RERE: variants seen among roughly 807,000 people sequenced by gnomAD.
RERE encodes arginine-glutamic acid dipeptide repeats, also known as arginine-glutamic acid dipeptide repeats protein.
Under a neutral mutation model 146.1 loss-of-function variants are expected in RERE, and 40 were observed. The observed-to-expected ratio is 0.27, with a 90% CI of 0.21 to 0.36. The LOEUF is 0.36. RERE is among the 10% of genes least tolerant of loss of function. The pLI, the probability that RERE is intolerant of heterozygous loss-of-function variation, is 1.00. For missense variants in RERE, 1,933 were observed against 2,138.7 expected, an observed-to-expected ratio of 0.90 and a Z score of 1.90; for synonymous variants, 1,003 against 866.0, an observed-to-expected ratio of 1.16 and a Z score of -2.78.
intron 7 of RERE, among the ~76,000 whole-genome samples, chr1:8,525,064 A>G (rs1264166734): frequency 2.0e-5 from 3 of 152,204 alleles, no homozygotes; most frequent in Non-Finnish European, 4.4e-5. Context: ...TTTAATTGCC[A>G]AAGAATTTTC....
At chr1:8,429,693 T>C (rs1383347169) in intron 11 of RERE, 1 of 152,670 alleles carries the variant, frequency 6.6e-6, no homozygotes, top group Non-Finnish European at 1.5e-5. Context: ...AAAAGGGACA[T>C]CTACTCAGTC....
At chr1:8,390,302 G>A (rs12740855) in intron 12 of RERE, among the ~76,000 whole-genome samples, 2 of 152,150 alleles carry the variant, frequency 1.3e-5, no homozygotes, top group African/African-American at 2.4e-5. Flanking sequence ...CTGGCCAGTC[G>A]TCACCCCACC....
chr1:8,442,227 A>G (rs1363273638), intron 11 of RERE, among the ~76,000 whole-genome samples: 2 of 152,038 alleles, frequency 1.3e-5, no homozygotes, highest in East Asian at 3.9e-4. Context: ...TCTACTAAAC[A>G]TACAAAAATT....
intron 4 of RERE, among the ~76,000 whole-genome samples, chr1:8,585,040 T>C (rs1646410552): frequency 6.7e-6 from 1 of 149,624 alleles, no homozygotes; most frequent in African/African-American, 2.5e-5. Context: ...TCCCAGCTAC[T>C]GGGAGGCTGA....
chr1:8,711,661 G>C (rs1326722168), intron 1 of RERE, among the ~76,000 whole-genome samples: 1 of 152,102 alleles, frequency 6.6e-6, no homozygotes, highest in Non-Finnish European at 1.5e-5. Context: ...GGCCTCAATG[G>C]GATGTTTAAA....
intron 12 of RERE, among the ~76,000 whole-genome samples, chr1:8,379,556 T>C (rs980229800): frequency 6.6e-6 from 1 of 152,178 alleles, no homozygotes; most frequent in South Asian, 2.1e-4. Context: ...GACTGTGATA[T>C]GGGCTCCACG....
intron 1 of RERE, chr1:8,750,346 A>C (rs910353697): frequency 6.4e-5 from 39 of 610,110 alleles, no homozygotes; most frequent in Non-Finnish European, 1.1e-4. Context: ...ACATGTAGAA[A>C]CCATTCTGCC....
At chr1:8,779,961 C>T (rs771758508) in intron 1 of RERE, among the ~76,000 whole-genome samples, 1 of 151,962 alleles carries the variant, frequency 6.6e-6, no homozygotes, top group East Asian at 1.9e-4. Context: ...GAGGTCGAGG[C>T]GGGCAGATCA....
At chr1:8,437,308 AAAG>A (rs1238385719) in intron 11 of RERE, among the ~76,000 whole-genome samples, 2 of 152,196 alleles carry the variant, frequency 1.3e-5, no homozygotes, top group African/African-American at 4.8e-5. Flanking sequence ...GAATGATCTC[AAAG>A]AAGAAAGGAA....
At chr1:8,816,829 T>C (rs2124614300) in intron 1 of RERE, among the ~76,000 whole-genome samples, 1 of 152,270 alleles carries the variant, frequency 6.6e-6, no homozygotes, top group African/African-American at 2.4e-5. Context: ...ATTTACAGTT[T>C]CAGTCCTTGA....
At chr1:8,359,099 G>A (rs573950237) in intron 19 of RERE, among the ~76,000 whole-genome samples, 183 bp from the exon 20 acceptor site, 7 of 152,298 alleles carry the variant, frequency 4.6e-5, no homozygotes, top group South Asian at 2.1e-4. Flanking sequence ...CCACAGGGTC[G>A]GGCTCACCTG....
chr1:8,599,322 T>C (rs527679538), intron 4 of RERE, among the ~76,000 whole-genome samples: 2 of 152,338 alleles, frequency 1.3e-5, no homozygotes, highest in East Asian at 1.9e-4. Context: ...GCCAACTTCT[T>C]GTATAACTTC....
intron 12 of RERE, among the ~76,000 whole-genome samples, chr1:8,383,784 G>A (rs191285694): frequency 1.3e-5 from 2 of 152,004 alleles, no homozygotes; most frequent in South Asian, 2.1e-4. Flanking sequence ...GCTTGAGCCC[G>A]GGAGGTGAAG....
At chr1:8,749,148 A>C (rs1640480450) in intron 1 of RERE, among the ~76,000 whole-genome samples, 1 of 152,192 alleles carries the variant, frequency 6.6e-6, no homozygotes, top group Non-Finnish European at 1.5e-5. Flanking sequence ...GGAGGAGTTA[A>C]GTAACATGTC....
At chr1:8,630,053 G>C (rs1302751904) in intron 2 of RERE, among the ~76,000 whole-genome samples, 1 of 152,136 alleles carries the variant, frequency 6.6e-6, no homozygotes, top group Non-Finnish European at 1.5e-5. Flanking sequence ...ATGCTTGGAG[G>C]TAACAGTCAA....
chr1:8,720,549 A>G (rs1242291117), intron 1 of RERE, among the ~76,000 whole-genome samples: 1 of 152,036 alleles, frequency 6.6e-6, no homozygotes, highest in African/African-American at 2.4e-5. Context: ...GAGAGAGAGA[A>G]CAAGAACGAG....
intron 8 of RERE, 152 bp downstream of exon 8, chr1:8,508,475 T>G: frequency 1.6e-6 from 1 of 616,790 alleles, no homozygotes; most frequent in Non-Finnish European, 2.9e-6. Flanking sequence ...ATGTATGTGG[T>G]GATCTGAGGA....
At chr1:8,642,517 T>C (rs1486550352) in intron 2 of RERE, among the ~76,000 whole-genome samples, 3 of 152,224 alleles carry the variant, frequency 2.0e-5, no homozygotes, top group Non-Finnish European at 4.4e-5. Flanking sequence ...ACTTGAGGTT[T>C]GTGTTAATAG....
chr1:8,719,376 T>C (rs1011035509), intron 1 of RERE, among the ~76,000 whole-genome samples: 2 of 152,314 alleles, frequency 1.3e-5, no homozygotes, highest in South Asian at 2.1e-4. Context: ...CACCCCTAAA[T>C]GACTCATTTT....
Sources: gnomAD v4.1 joint callset for allele counts (sites outside exome capture counted in the v4.1 genomes callset) on GRCh38, gnomAD v4.1.1 for gene constraint, MANE v1.5 for transcripts, NCBI Gene and HGNC (gene_info 2026-07-23, HGNC 2026-07-21) for gene names.